ENOX1: variants seen among roughly 807,000 people sequenced by gnomAD.
The protein encoded by ENOX1 is candidate growth-related and time keeping constitutive hydroquinone (NADH) oxidase.
ENOX1 carries 42 observed loss-of-function variants against 82.5 expected under a neutral mutation model. That is an observed-to-expected ratio of 0.51 (90% CI 0.40 to 0.66). ENOX1 has a LOEUF of 0.66. ENOX1 is among the 30% of genes least tolerant of loss of function. The probability of loss-of-function intolerance (pLI) is 0.00; values close to 1 mark genes in which losing one functional copy is unlikely to be tolerated. For synonymous variants in ENOX1, 271 were observed against 282.2 expected (o/e 0.96, Z 0.40); for missense variants, 608 against 811.6 (o/e 0.75, Z 3.05).
intron 2 of ENOX1, among the ~76,000 whole-genome samples, chr13:43,569,914 G>A (rs2080101065): frequency 6.6e-6 from 1 of 152,152 alleles, no homozygotes; most frequent in Admixed American, 6.5e-5. Context: ...TCCCTTCTCT[G>A]GGTTAGCTCT....
chr13:43,413,034 T>C (rs2054229207), intron 3 of ENOX1, 46 bp from the exon 4 acceptor site: 3 of 1,440,210 alleles, frequency 2.1e-6, no homozygotes, highest in East Asian at 5.2e-5. Flanking sequence ...AATAGTTAAC[T>C]GAGATAAAAC....
chr13:43,493,019 C>A (rs2076673445), intron 2 of ENOX1, among the ~76,000 whole-genome samples: 1 of 152,178 alleles, frequency 6.6e-6, no homozygotes, highest in Admixed American at 6.5e-5. Flanking sequence ...TCCAGACTGT[C>A]TTTGGATTTG....
At chr13:43,448,476 A>G (rs544028286) in intron 3 of ENOX1, among the ~76,000 whole-genome samples, 1 of 152,360 alleles carries the variant, frequency 6.6e-6, no homozygotes, top group African/African-American at 2.4e-5. Flanking sequence ...TTGCCATTTC[A>G]AAGAGTTACT....
At chr13:43,696,299 T>C (rs543844338) in intron 1 of ENOX1, among the ~76,000 whole-genome samples, 1 of 152,374 alleles carries the variant, frequency 6.6e-6, no homozygotes, top group Admixed American at 6.5e-5. Context: ...TTTTCAGTTC[T>C]CTTGGATACA....
At chr13:43,511,972 A>G (rs746447101) in intron 2 of ENOX1, among the ~76,000 whole-genome samples, 1 of 152,132 alleles carries the variant, frequency 6.6e-6, no homozygotes, top group Non-Finnish European at 1.5e-5. Context: ...TTATATATAT[A>G]TACACTATGG....
chr13:43,759,685 T>A (rs955988323), intron 1 of ENOX1, among the ~76,000 whole-genome samples: 2 of 152,210 alleles, frequency 1.3e-5, no homozygotes, highest in Non-Finnish European at 2.9e-5. Context: ...GTTTAATGAT[T>A]TTCAAAGGTA....
At chr13:43,296,084 C>A (rs1444991138) in intron 12 of ENOX1, among the ~76,000 whole-genome samples, 1 of 152,134 alleles carries the variant, frequency 6.6e-6, no homozygotes, top group Non-Finnish European at 1.5e-5. Flanking sequence ...TTTGTCTATT[C>A]ATTCCCTCAT....
At chr13:43,277,286 T>A (rs1483623136) in intron 12 of ENOX1, among the ~76,000 whole-genome samples, 1 of 152,216 alleles carries the variant, frequency 6.6e-6, no homozygotes, top group African/African-American at 2.4e-5. Context: ...TCATTCATGA[T>A]GAGATCAGGC....
chr13:43,348,773 A>G (rs2049564348), intron 8 of ENOX1, among the ~76,000 whole-genome samples: 1 of 152,226 alleles, frequency 6.6e-6, no homozygotes, highest in Non-Finnish European at 1.5e-5. Flanking sequence ...TAATAGCCCC[A>G]AAATGCAAGA....
intron 2 of ENOX1, among the ~76,000 whole-genome samples, chr13:43,649,870 A>C (rs1594258572): frequency 1.3e-5 from 2 of 152,196 alleles, no homozygotes; most frequent in African/African-American, 4.8e-5. Flanking sequence ...AGCATGGACT[A>C]ACAAGTCTGA....
At chr13:43,421,190 C>G (rs1396706812) in intron 3 of ENOX1, among the ~76,000 whole-genome samples, 1 of 152,116 alleles carries the variant, frequency 6.6e-6, no homozygotes, top group East Asian at 1.9e-4. Context: ...CCCATGAAAT[C>G]AAAAGGTCTT....
intron 1 of ENOX1, among the ~76,000 whole-genome samples, chr13:43,668,354 G>C (rs1464355641): frequency 6.6e-6 from 1 of 152,122 alleles, no homozygotes; most frequent in Non-Finnish European, 1.5e-5. Context: ...TAAGAAATAG[G>C]TTGCCCCGAA....
At chr13:43,507,192 G>A (rs2077204379) in intron 2 of ENOX1, among the ~76,000 whole-genome samples, 1 of 151,670 alleles carries the variant, frequency 6.6e-6, no homozygotes, top group Admixed American at 6.6e-5. Flanking sequence ...AAAGACAAAG[G>A]ATATAGAGAA....
intron 2 of ENOX1, among the ~76,000 whole-genome samples, chr13:43,601,876 C>A (rs144285968): frequency 1.6e-4 from 24 of 151,912 alleles, no homozygotes; most frequent in African/African-American, 5.5e-4. Context: ...ACTTTATAGG[C>A]CAGAAGAGTG....
Position 43,423,604 on chromosome 13 carries a change from T to C in ENOX1, c.-74-10616A>G, listed in dbSNP as rs954135104. 3.3e-5 allele frequency among the ~76,000 whole-genome samples: 5 copies of C among 152,210 alleles called. No homozygotes were observed. In the East Asian group the frequency reaches 7.7e-4, roughly 23 times the overall value. On this transcript the variant is annotated intron_variant, in intron 3 of 16. Coordinates refer to ENST00000690772, the MANE Select transcript of ENOX1 (RefSeq NM_001347969.2). ...GGCAGCTCACTGTGCCAGATAGTCC[T>C]AAGAGTTCACCGTTCTCTCTCCTGA... is the stretch of plus-strand genomic sequence containing the variant.
At position 43,668,631 on chromosome 13, in the gene ENOX1, A is replaced by C. The variant is rs571529582; in HGVS notation, c.-284-1087T>G. Among the ~76,000 whole-genome samples the C allele has an allele frequency of 2.6e-5, 4 of 152,314 alleles. No homozygotes were observed. In the South Asian group the frequency reaches 8.3e-4, roughly 32 times the overall value. Reference sequence around the variant, plus strand: ...TTGTTCCATAACTAGGTGCTCAGTAATAACTAATACTGTGTAAAGAGCCCC... The same window carrying C: ...TTGTTCCATAACTAGGTGCTCAGTACTAACTAATACTGTGTAAAGAGCCCC... On this transcript the variant is annotated intron_variant, in intron 1 of 16. Transcript: ENST00000690772.
chr13:43,538,481 A>G (rs1244851268), intron 2 of ENOX1, among the ~76,000 whole-genome samples: 1 of 151,940 alleles, frequency 6.6e-6, no homozygotes, highest in Non-Finnish European at 1.5e-5. Context: ...ATTTTAATAA[A>G]TACTTTATCA....
At chr13:43,586,285 A>C (rs1681935366) in intron 2 of ENOX1, among the ~76,000 whole-genome samples, 1 of 152,172 alleles carries the variant, frequency 6.6e-6, no homozygotes. Context: ...AATGAAAATC[A>C]CCTTTCTTTA....
intron 2 of ENOX1, among the ~76,000 whole-genome samples, chr13:43,621,207 G>A (rs866205724): frequency 1.3e-5 from 2 of 152,174 alleles, no homozygotes; most frequent in Non-Finnish European, 2.9e-5. Flanking sequence ...GTTCTTTCAA[G>A]TGGAGCATTT....
Sources: allele counts gnomAD v4.1 joint callset (sites outside exome capture counted in the v4.1 genomes callset), GRCh38; gene constraint gnomAD v4.1.1; transcripts MANE v1.5; gene names NCBI Gene and HGNC (gene_info 2026-07-23, HGNC 2026-07-21).